Variants in CNTNAP5 observed in about 807,000 individuals in gnomAD.
CNTNAP5 encodes contactin-associated protein-like 5.
In CNTNAP5, 72 loss-of-function variants were observed where a neutral mutation model predicts 150.2. That is an observed-to-expected ratio of 0.48 (90% confidence interval 0.40 to 0.58). The LOEUF is 0.58. Ranked by LOEUF, CNTNAP5 falls within the 20% of genes least tolerant of loss-of-function variation. CNTNAP5 has a pLI of 0.00. For synonymous variants in CNTNAP5, 672 were observed against 619.8 expected (o/e 1.08, Z -1.25); for missense variants, 1,636 against 1,626.2 (o/e 1.01, Z -0.10).
chr2:124,378,104 T>C (rs1478772160), intron 3 of CNTNAP5, among the ~76,000 whole-genome samples: 1 of 152,098 alleles, frequency 6.6e-6, no homozygotes. Context: ...TGATGCTTAC[T>C]TAAAAGCTTT....
At chr2:124,538,347 G>A (rs144799978) in intron 10 of CNTNAP5, among the ~76,000 whole-genome samples, 17 of 152,174 alleles carry the variant, frequency 1.1e-4, no homozygotes, top group East Asian at 5.8e-4. Context: ...GCATGGTGGC[G>A]CACGCCTATA....
chr2:124,659,729 A>C (rs1007153544), intron 13 of CNTNAP5, among the ~76,000 whole-genome samples: 1 of 152,246 alleles, frequency 6.6e-6, no homozygotes, highest in Non-Finnish European at 1.5e-5. Context: ...CCCTACAGGC[A>C]GAACTAGAGA....
chr2:124,725,957 T>C (rs1326233968), intron 13 of CNTNAP5, among the ~76,000 whole-genome samples: 1 of 152,056 alleles, frequency 6.6e-6, no homozygotes, highest in Non-Finnish European at 1.5e-5. Flanking sequence ...ATGGTATATA[T>C]GCGTGTGTGT....
chr2:124,558,335 C>T (rs1002433788), intron 10 of CNTNAP5, among the ~76,000 whole-genome samples: 1 of 152,036 alleles, frequency 6.6e-6, no homozygotes, highest in Admixed American at 6.5e-5. Flanking sequence ...GTTTAAGAAC[C>T]TGGGTACTAG....
intron 19 of CNTNAP5, among the ~76,000 whole-genome samples, chr2:124,814,119 T>A (rs1370333952): frequency 6.6e-6 from 1 of 152,118 alleles, no homozygotes; most frequent in Non-Finnish European, 1.5e-5. Context: ...TTCCTTTTTT[T>A]TTTATGATTC....
rs1678786181 is a variant in CNTNAP5 at position 124,917,171 on chromosome 2, C to T, written c.*2883C>T. 6.6e-6 allele frequency among the ~76,000 whole-genome samples: 1 copy of T among 151,958 alleles called. No homozygotes were observed. Among genetic ancestry groups the T allele is most frequent in the Non-Finnish European group, 1.5e-5 (1 of 67,960 alleles). On this transcript the variant is annotated 3_prime_UTR_variant, in exon 24 of 24. Transcript: ENST00000682447. ...AGGTTTCCCAACTACATGCTCTGGC[C>T]AACTGGGCCACCATGATCTCTTCCA...
chr2:124,646,681 C>T (rs563834417), intron 12 of CNTNAP5, among the ~76,000 whole-genome samples: 2 of 152,334 alleles, frequency 1.3e-5, no homozygotes, highest in South Asian at 4.1e-4. Context: ...GTGTCTGATA[C>T]ATCCCAGATA....
At chr2:124,172,264 A>G (rs1302596983) in intron 1 of CNTNAP5, among the ~76,000 whole-genome samples, 1 of 152,192 alleles carries the variant, frequency 6.6e-6, no homozygotes, top group Non-Finnish European at 1.5e-5. Flanking sequence ...TTAAATAACT[A>G]CTAAAATATA....
rs554191329 is a variant in CNTNAP5, at chr2:124,902,802, T to C, written c.3437-80T>C. On this transcript the variant is annotated intron_variant, in intron 21 of 23. Coordinates refer to ENST00000682447, the MANE Select transcript of CNTNAP5 (RefSeq NM_001367498.1). Reference sequence around the variant, plus strand: ...ACAAGGTAATTTCTGTAATTTTAGATACTACTCAAAGAGGACCCAGCATAT... The same window carrying C: ...ACAAGGTAATTTCTGTAATTTTAGACACTACTCAAAGAGGACCCAGCATAT... 7 of 896,828 alleles carry C rather than the reference T, an allele frequency of 7.8e-6. No individual in the cohort carries two copies. The South Asian group carries it at 1.4e-4, about 17-fold the overall frequency. The allele number at this position is 896,828 out of a possible 1,614,324, so 55.6% of individuals were successfully genotyped here.
At chr2:124,451,029 TAAAAA>T (rs1156744323) in intron 6 of CNTNAP5, among the ~76,000 whole-genome samples, 36 of 20,048 alleles carry the variant, frequency 1.8e-3, no homozygotes, top group East Asian at 8.1e-3. Flanking sequence ...CCATGTCTCT[TAAAAA>T]AAAAAAAAAA....
intron 2 of CNTNAP5, among the ~76,000 whole-genome samples, chr2:124,226,158 A>T (rs992815661): frequency 6.6e-6 from 1 of 151,278 alleles, no homozygotes; most frequent in Non-Finnish European, 1.5e-5. Context: ...ATTTTATGGT[A>T]GTTTCTTTTT....
chr2:124,764,774 C>T (rs1177108975), intron 16 of CNTNAP5, among the ~76,000 whole-genome samples: 1 of 152,050 alleles, frequency 6.6e-6, no homozygotes. Context: ...TATAATTAAA[C>T]ATTTTGTATA....
chr2:124,660,354 T>G (rs1373926347), intron 13 of CNTNAP5, among the ~76,000 whole-genome samples: 1 of 152,038 alleles, frequency 6.6e-6, no homozygotes, highest in Non-Finnish European at 1.5e-5. Flanking sequence ...ACACTAACAC[T>G]TAGATGAAAG....
chr2:124,171,028 G>T (rs1475108938), intron 1 of CNTNAP5, among the ~76,000 whole-genome samples: 2 of 152,148 alleles, frequency 1.3e-5, no homozygotes, highest in African/African-American at 4.8e-5. Context: ...TGCCATGTAG[G>T]TTGATTTTAT....
intron 9 of CNTNAP5, 110 bp from the exon 10 acceptor site, chr2:124,527,175 A>C (rs1282015006): frequency 3.5e-6 from 3 of 851,412 alleles, no homozygotes; most frequent in Non-Finnish European, 5.5e-6. Flanking sequence ...CACTGCTGTG[A>C]ATGAGAAAGC....
intron 3 of CNTNAP5, among the ~76,000 whole-genome samples, chr2:124,407,869 G>A (rs888125740): frequency 2.0e-5 from 3 of 152,024 alleles, no homozygotes; most frequent in Non-Finnish European, 4.4e-5. Context: ...AAAGAACTTC[G>A]GGAGGAGGAG....
chr2:124,155,921 G>A (rs552267760), intron 1 of CNTNAP5, among the ~76,000 whole-genome samples: 2 of 152,328 alleles, frequency 1.3e-5, no homozygotes, highest in African/African-American at 2.4e-5. Flanking sequence ...AAGCAGTTGA[G>A]CCTCTTCTGG....
At chr2:124,789,662 T>G (rs1681674535) in intron 17 of CNTNAP5, among the ~76,000 whole-genome samples, 1 of 152,278 alleles carries the variant, frequency 6.6e-6, no homozygotes, top group Non-Finnish European at 1.5e-5. Context: ...GGTATTTGGT[T>G]TTCTGTTCCT....
intron 12 of CNTNAP5, among the ~76,000 whole-genome samples, chr2:124,627,495 A>C (rs1472424295): frequency 6.7e-6 from 1 of 150,024 alleles, no homozygotes; most frequent in Non-Finnish European, 1.5e-5. Flanking sequence ...TGTTAGAAGA[A>C]AAACAAACAG....
Sources: gnomAD v4.1 joint callset for allele counts (sites outside exome capture counted in the v4.1 genomes callset) on GRCh38, gnomAD v4.1.1 for gene constraint, MANE v1.5 for transcripts, NCBI Gene and HGNC (gene_info 2026-07-23, HGNC 2026-07-21) for gene names.